Variants in HIVEP3 observed in about 807,000 individuals in gnomAD.
The protein encoded by HIVEP3 is HIVEP zinc finger 3.
Under a neutral mutation model 152.8 loss-of-function variants are expected in HIVEP3, and 49 were observed. The observed-to-expected ratio is 0.32, with a 90% CI of 0.26 to 0.41. HIVEP3 has a LOEUF of 0.41. Among genes scored for constraint, HIVEP3 ranks in the 10% least tolerant of loss-of-function variants. HIVEP3 has a pLI of 1.00. For missense variants in HIVEP3, 2,790 were observed against 3,103.3 expected (o/e 0.90, Z 2.40); for synonymous variants, 1,269 against 1,289.0 (o/e 0.98, Z 0.33).
chr1:42,017,011 T>C (rs1206956280), intron 1 of HIVEP3, among the ~76,000 whole-genome samples: 2 of 152,058 alleles, frequency 1.3e-5, no homozygotes, highest in Non-Finnish European at 2.9e-5. Context: ...AACATGAGAG[T>C]ACCCTTTCAC....
At chr1:41,980,211 A>G (rs1292478664) in intron 1 of HIVEP3, among the ~76,000 whole-genome samples, 1 of 152,246 alleles carries the variant, frequency 6.6e-6, no homozygotes, top group Non-Finnish European at 1.5e-5. Context: ...CCTAGTAAGT[A>G]TCTAAGAGAA....
At chr1:41,538,958 G>T (rs1165185222) in intron 5 of HIVEP3, among the ~76,000 whole-genome samples, 2 of 152,184 alleles carry the variant, frequency 1.3e-5, no homozygotes, top group African/African-American at 4.8e-5. Context: ...GCCGAGCAGT[G>T]GGGCCCTGGG....
At chr1:41,887,319 A>G (rs1254929166) in intron 1 of HIVEP3, among the ~76,000 whole-genome samples, 1 of 152,168 alleles carries the variant, frequency 6.6e-6, no homozygotes, top group East Asian at 1.9e-4. Context: ...AATGTGATTT[A>G]TTTTCTTATT....
chr1:41,741,440 T>C (rs1305650882), intron 1 of HIVEP3, among the ~76,000 whole-genome samples: 1 of 148,352 alleles, frequency 6.7e-6, no homozygotes, highest in Non-Finnish European at 1.5e-5. Context: ...CCATCCCCAC[T>C]CTCCCACCCA....
At chr1:41,706,265 C>T (rs919533135) in intron 1 of HIVEP3, among the ~76,000 whole-genome samples, 4 of 152,016 alleles carry the variant, frequency 2.6e-5, no homozygotes, top group African/African-American at 7.2e-5. Flanking sequence ...TCGTTGTGTC[C>T]GAATACATGT....
intron 1 of HIVEP3, among the ~76,000 whole-genome samples, chr1:41,870,723 G>T (rs909301211): frequency 6.6e-6 from 1 of 152,106 alleles, no homozygotes; most frequent in Non-Finnish European, 1.5e-5. Flanking sequence ...AAGACAACAG[G>T]AAGAAAGTTA....
At chr1:41,903,860 GC>G (rs1644666024) in intron 1 of HIVEP3, among the ~76,000 whole-genome samples, 1 of 151,456 alleles carries the variant, frequency 6.6e-6, no homozygotes. Flanking sequence ...ACCATTTCCT[GC>G]CCAGCACACT....
At chr1:41,771,183 T>C (rs540918406) in intron 1 of HIVEP3, among the ~76,000 whole-genome samples, 5 of 152,230 alleles carry the variant, frequency 3.3e-5, no homozygotes, top group African/African-American at 1.2e-4. Flanking sequence ...GCTCTAGAGG[T>C]ACCATCTTTG....
rs932350035 is a variant in HIVEP3 at position 41,955,958 on chromosome 1, G to A, written n.120-37434C>T. On this transcript the variant is annotated intron_variant and non_coding_transcript_variant, in intron 1 of 3. Coordinates refer to the HIVEP3 transcript ENST00000489103. ...GGAACTCTTCTACAGTCAAAAGATAGAGAGGCGAGCTGGGACCTCTCCTTT... is the reference window on the plus strand; with the variant it reads ...GGAACTCTTCTACAGTCAAAAGATAAAGAGGCGAGCTGGGACCTCTCCTTT... 3.3e-5 allele frequency among the ~76,000 whole-genome samples: 5 copies of A among 152,228 alleles called. No individual in the cohort carries two copies. In the East Asian group the frequency reaches 9.6e-4, roughly 29 times the overall value.
intron 1 of HIVEP3, among the ~76,000 whole-genome samples, chr1:41,812,618 T>C (rs1651029168): frequency 6.6e-6 from 1 of 151,430 alleles, no homozygotes; most frequent in South Asian, 2.1e-4. Context: ...CACTTCATTT[T>C]AAGAGTGATA....
At chr1:41,977,999 G>A (rs546109612) in intron 1 of HIVEP3, among the ~76,000 whole-genome samples, 14 of 152,324 alleles carry the variant, frequency 9.2e-5, no homozygotes, top group South Asian at 2.1e-4. Context: ...CAATGTCTCC[G>A]TAATAAAAGA....
chr1:41,613,096 C>T (rs1190868064), intron 3 of HIVEP3, among the ~76,000 whole-genome samples: 4 of 152,238 alleles, frequency 2.6e-5, no homozygotes, highest in Admixed American at 6.5e-5. Context: ...GCACTGGGCG[C>T]GGAGTCAGCC....
intron 1 of HIVEP3, among the ~76,000 whole-genome samples, chr1:41,764,771 A>T (rs1647905910): frequency 6.6e-6 from 1 of 152,196 alleles, no homozygotes; most frequent in African/African-American, 2.4e-5. Context: ...CTCAGTAGAG[A>T]AGGGAAACTA....
At chr1:41,689,831 G>C (rs1007501202) in intron 2 of HIVEP3, among the ~76,000 whole-genome samples, 3 of 152,242 alleles carry the variant, frequency 2.0e-5, no homozygotes, top group Admixed American at 6.5e-5. Flanking sequence ...TTTCCCACTA[G>C]GGTGGGGGTG....
chr1:41,983,561 T>C (rs1340246342), intron 1 of HIVEP3, among the ~76,000 whole-genome samples: 6 of 151,876 alleles, frequency 4.0e-5, no homozygotes, highest in East Asian at 1.9e-4. Flanking sequence ...TAGCAGAAAA[T>C]AGCAACAGCT....
At chr1:41,700,175 C>A (rs1042572588) in intron 2 of HIVEP3, among the ~76,000 whole-genome samples, 2 of 152,168 alleles carry the variant, frequency 1.3e-5, no homozygotes, top group Non-Finnish European at 2.9e-5. Flanking sequence ...ATTTGCACAT[C>A]GATCTCCTCC....
At chr1:41,539,672 C>T (rs1259264475) in intron 5 of HIVEP3, among the ~76,000 whole-genome samples, 1 of 152,230 alleles carries the variant, frequency 6.6e-6, no homozygotes, top group African/African-American at 2.4e-5. Context: ...GAGGCCTCCC[C>T]AGACCACCTG....
intron 1 of HIVEP3, among the ~76,000 whole-genome samples, chr1:41,882,843 T>TAA (rs1000769054): frequency 5.3e-5 from 8 of 152,224 alleles, no homozygotes; most frequent in African/African-American, 1.7e-4. Context: ...TCCTTGCTGT[T>TAA]AGAGTTCAGG....
chr1:41,894,916 C>T (rs1004641083), intron 1 of HIVEP3, among the ~76,000 whole-genome samples: 1 of 152,178 alleles, frequency 6.6e-6, no homozygotes, highest in Non-Finnish European at 1.5e-5. Context: ...TCTAGAAGCA[C>T]GCTGCAAGAG....
Sources: gnomAD v4.1 joint callset for allele counts (sites outside exome capture counted in the v4.1 genomes callset) on GRCh38, gnomAD v4.1.1 for gene constraint, MANE v1.5 for transcripts, NCBI Gene and HGNC (gene_info 2026-07-23, HGNC 2026-07-21) for gene names.